Variants in DOCK9 observed in about 807,000 individuals in gnomAD.
The protein encoded by DOCK9 is dedicator of cytokinesis 9.
In DOCK9, 89 loss-of-function variants were observed where a neutral mutation model predicts 263.3. The ratio of observed to expected loss-of-function variants is 0.34; its 90% confidence interval spans 0.28 to 0.40. The LOEUF (loss-of-function observed/expected upper bound fraction) is 0.40, where lower values mean the gene tolerates loss of function less well. DOCK9 is among the 10% of genes least tolerant of loss of function. The pLI, the probability that DOCK9 is intolerant of heterozygous loss-of-function variation, is 1.00. For synonymous variants in DOCK9, 976 were observed against 973.1 expected, an observed-to-expected ratio of 1.00 and a Z score of -0.06; for missense variants, 2,140 against 2,603.4, an observed-to-expected ratio of 0.82 and a Z score of 3.87.
chr13:99,040,085 T>C (rs1217952366), intron 1 of DOCK9, among the ~76,000 whole-genome samples: 1 of 152,206 alleles, frequency 6.6e-6, no homozygotes, highest in African/African-American at 2.4e-5. Flanking sequence ...ACAGGTCCTT[T>C]GGGAGGTGAC....
chr13:98,994,371 A>AG (rs1470686194), intron 1 of DOCK9, among the ~76,000 whole-genome samples: 1 of 152,226 alleles, frequency 6.6e-6, no homozygotes, highest in Non-Finnish European at 1.5e-5. Context: ...GACTTGCAGA[A>AG]GGGGGGTTGT....
chr13:98,853,217 CAATAAGGTTCT>C (rs1222136739), intron 35 of DOCK9, among the ~76,000 whole-genome samples, 180 bp downstream of exon 35: 2 of 152,304 alleles, frequency 1.3e-5, no homozygotes, highest in South Asian at 2.1e-4. Context: ...GATTTTCCCA[CAATAAGGTTCT>C]TATTTCTAAG....
chr13:99,058,230 T>C (rs1343109313), intron 1 of DOCK9, among the ~76,000 whole-genome samples: 1 of 150,646 alleles, frequency 6.6e-6, no homozygotes, highest in Non-Finnish European at 1.5e-5. Context: ...AGCAGCACCA[T>C]CTCAGCTCAC....
At chr13:98,915,261 A>T in intron 8 of DOCK9, 68 bp downstream of exon 8, 1 of 1,511,236 alleles carries the variant, frequency 6.6e-7, no homozygotes, top group South Asian at 1.3e-5. Context: ...TCCTTCTTAT[A>T]CCCACCTGGC....
At chr13:98,960,907 ACCCCTTTGAGAGC>A (rs2058560987) in intron 1 of DOCK9, among the ~76,000 whole-genome samples, 1 of 152,100 alleles carries the variant, frequency 6.6e-6, no homozygotes, top group African/African-American at 2.4e-5. Context: ...AAGGTTACAG[ACCCCTTTGAGAGC>A]CTGGATCTTC....
chr13:98,869,527 G>A (rs563532383), intron 27 of DOCK9, among the ~76,000 whole-genome samples: 1 of 152,330 alleles, frequency 6.6e-6, no homozygotes, highest in South Asian at 2.1e-4. Context: ...TAGGAAGGAT[G>A]CTCCATTACA....
At chr13:99,025,710 T>C (rs919378655) in intron 1 of DOCK9, among the ~76,000 whole-genome samples, 6 of 152,184 alleles carry the variant, frequency 3.9e-5, no homozygotes, top group African/African-American at 1.4e-4. Context: ...ATGCCCAACG[T>C]TGAAAATATA....
At chr13:99,021,396 T>A (rs1886074693) in intron 1 of DOCK9, among the ~76,000 whole-genome samples, 2 of 152,112 alleles carry the variant, frequency 1.3e-5, no homozygotes, top group South Asian at 4.1e-4. Context: ...TCCCAGCACT[T>A]TGGGAGGCCA....
intron 1 of DOCK9, among the ~76,000 whole-genome samples, chr13:99,017,143 G>A (rs1034803425): frequency 3.9e-5 from 6 of 152,180 alleles, no homozygotes; most frequent in Non-Finnish European, 7.3e-5. Flanking sequence ...CTGGGGTCTA[G>A]AGCATTCCAC....
intron 45 of DOCK9, among the ~76,000 whole-genome samples, chr13:98,812,054 T>A (rs1349203082): frequency 2.0e-5 from 3 of 151,982 alleles, no homozygotes; most frequent in Non-Finnish European, 4.4e-5. Flanking sequence ...TGATCATAAG[T>A]GTGTGGGTCC....
chr13:98,963,785 G>C lies in DOCK9; in HGVS notation c.127-8234C>G, dbSNP rs545130574. 6.6e-5 allele frequency among the ~76,000 whole-genome samples: 10 copies of C among 152,358 alleles called. No individual in the cohort carries two copies. In the East Asian group the frequency reaches 1.2e-3, roughly 18 times the overall value. On this transcript the variant is annotated intron_variant, in intron 1 of 52. Transcript: ENST00000682017. ...ATGTTGCCAACAGGACACCAGTACTGTTGCTGGGGATAGGAAAAAGGAGAT... is the reference window on the plus strand; with the variant it reads ...ATGTTGCCAACAGGACACCAGTACTCTTGCTGGGGATAGGAAAAAGGAGAT...
At chr13:98,864,773 C>A (rs549288278) in intron 30 of DOCK9, among the ~76,000 whole-genome samples, 1 of 152,208 alleles carries the variant, frequency 6.6e-6, no homozygotes, top group East Asian at 1.9e-4. Flanking sequence ...GAGGTGGGGC[C>A]TGGTGGGAGG....
chr13:98,827,444 TG>T (rs2092586697), intron 43 of DOCK9, among the ~76,000 whole-genome samples: 1 of 152,208 alleles, frequency 6.6e-6, no homozygotes, highest in East Asian at 1.9e-4. Flanking sequence ...CAAATTGCCA[TG>T]GTGTTATAAA....
intron 15 of DOCK9, among the ~76,000 whole-genome samples, chr13:98,892,384 C>T (rs1304764012): frequency 6.6e-6 from 1 of 151,896 alleles, no homozygotes; most frequent in Admixed American, 6.6e-5. Flanking sequence ...TGTATTGGCT[C>T]GTTAAAATGA....
At chr13:98,928,018 A>C (rs5007002) in intron 3 of DOCK9, among the ~76,000 whole-genome samples, 69,109 of 139,046 alleles carry the variant, frequency 0.5, 16,611 homozygotes, top group Middle Eastern at 0.63. Context: ...AAAAAAAAAA[A>C]ACAAAAAAAA....
intron 38 of DOCK9, chr13:98,845,304 A>G: frequency 4.4e-6 from 6 of 1,353,668 alleles, no homozygotes; most frequent in Non-Finnish European, 5.9e-6. Flanking sequence ...CTCATAAAGC[A>G]GACTTCAACC....
chr13:99,056,766 G>A (rs1233841822), intron 1 of DOCK9, among the ~76,000 whole-genome samples: 1 of 152,180 alleles, frequency 6.6e-6, no homozygotes, highest in Non-Finnish European at 1.5e-5. Context: ...TGGCAATCAG[G>A]GTCATTCATG....
At chr13:98,839,508 G>T (rs1467088635) in intron 38 of DOCK9, among the ~76,000 whole-genome samples, 1 of 152,202 alleles carries the variant, frequency 6.6e-6, no homozygotes, top group East Asian at 1.9e-4. Context: ...TGATCATACA[G>T]GTCCAAGGGA....
At position 98,794,456 on chromosome 13, in the gene DOCK9, T is replaced by G. The variant is rs2089078327; in HGVS notation, c.*170A>C. 5 of 713,470 alleles carry G rather than the reference T, an allele frequency of 7.0e-6. No homozygotes were observed. Among genetic ancestry groups the G allele is most frequent in the Non-Finnish European group, 9.0e-6 (4 of 446,488 alleles). 44.2% of individuals were successfully genotyped at this position (713,470 alleles called of 1,614,324 possible). ...GATTTAAAAAAATATGTGCACCTTC[T>G]TACAACTCCTATAGAAAGTCTGTTA... On this transcript the variant is annotated 3_prime_UTR_variant, in exon 53 of 53. Transcript: ENST00000682017.
Sources: gnomAD v4.1 joint callset for allele counts (sites outside exome capture counted in the v4.1 genomes callset) on GRCh38, gnomAD v4.1.1 for gene constraint, MANE v1.5 for transcripts, NCBI Gene and HGNC (gene_info 2026-07-23, HGNC 2026-07-21) for gene names.